Variants in PRKCH observed in about 807,000 individuals in gnomAD.
PRKCH encodes protein kinase C eta.
Under a neutral mutation model 82.5 loss-of-function variants are expected in PRKCH, and 28 were observed. The ratio of observed to expected loss-of-function variants is 0.34; its 90% CI spans 0.25 to 0.47. The LOEUF is 0.47. Ranked by LOEUF, PRKCH falls within the 20% of genes least tolerant of loss-of-function variation. The pLI is 1.00. For synonymous variants in PRKCH, 322 were observed against 327.4 expected (o/e 0.98, Z 0.18); for missense variants, 705 against 881.8 (o/e 0.80, Z 2.54).
chr14:61,494,220 G>GT (rs1886569981), intron 10 of PRKCH, among the ~76,000 whole-genome samples: 1 of 152,156 alleles, frequency 6.6e-6, no homozygotes, highest in South Asian at 2.1e-4. Flanking sequence ...CCCAATAGGA[G>GT]TCTCTTAAAT....
At chr14:61,246,207 A>G (rs1481652520) in intron 1 of PRKCH, among the ~76,000 whole-genome samples, 2 of 150,790 alleles carry the variant, frequency 1.3e-5, no homozygotes, top group Non-Finnish European at 2.9e-5. Flanking sequence ...GGAGTTCAAC[A>G]CCAGCCTGAC....
At chr14:61,252,579 T>G (rs141362473) in intron 1 of PRKCH, among the ~76,000 whole-genome samples, 43 of 152,208 alleles carry the variant, frequency 2.8e-4, no homozygotes, top group African/African-American at 9.6e-4. Flanking sequence ...CCTGGACAAA[T>G]GGAAACAGAG....
intron 1 of PRKCH, among the ~76,000 whole-genome samples, chr14:61,216,487 TA>T (rs895976188): frequency 1.3e-5 from 2 of 151,102 alleles, no homozygotes; most frequent in African/African-American, 2.4e-5. Flanking sequence ...AAACAAAAAT[TA>T]AAAAAAATTA....
intron 2 of PRKCH, among the ~76,000 whole-genome samples, chr14:61,393,862 C>G (rs1200287983): frequency 2.0e-5 from 3 of 152,240 alleles, no homozygotes; most frequent in Admixed American, 2.0e-4. Flanking sequence ...AAATGTGGGT[C>G]TCACCTAATG....
intron 1 of PRKCH, among the ~76,000 whole-genome samples, chr14:61,251,628 A>T (rs1240624308): frequency 6.6e-6 from 1 of 152,138 alleles, no homozygotes; most frequent in Non-Finnish European, 1.5e-5. Context: ...GTTGCTTCCA[A>T]ATCTTGGCTA....
chr14:61,225,802 A>G (rs1053840819), intron 1 of PRKCH, among the ~76,000 whole-genome samples: 10 of 151,944 alleles, frequency 6.6e-5, no homozygotes, highest in Non-Finnish European at 1.2e-4. Context: ...GCAGTGGCAC[A>G]ATCTTGGCTC....
intron 1 of PRKCH, among the ~76,000 whole-genome samples, chr14:61,249,094 G>C (rs1265318091): frequency 6.6e-6 from 1 of 152,272 alleles, no homozygotes; most frequent in South Asian, 2.1e-4. Context: ...GAGCCACTGT[G>C]CCTGGCCTCG....
chr14:61,330,853 A>G (rs891363323), intron 1 of PRKCH, among the ~76,000 whole-genome samples: 2 of 152,206 alleles, frequency 1.3e-5, no homozygotes, highest in Admixed American at 1.3e-4. Context: ...CTGTTGCCCT[A>G]ACAGGGGTGT....
At chr14:61,242,624 C>T (rs972182425) in intron 1 of PRKCH, among the ~76,000 whole-genome samples, 2 of 152,130 alleles carry the variant, frequency 1.3e-5, no homozygotes, top group African/African-American at 4.8e-5. Flanking sequence ...TCTCAAACTC[C>T]TGACCTCAGG....
chr14:61,398,590 G>T (rs1239698407), intron 2 of PRKCH, among the ~76,000 whole-genome samples: 5 of 152,182 alleles, frequency 3.3e-5, no homozygotes, highest in Admixed American at 2.0e-4. Context: ...GTCTCCTGAT[G>T]GAAGCCCACA....
chr14:61,397,833 G>A (rs2046808926), intron 2 of PRKCH, among the ~76,000 whole-genome samples: 1 of 152,202 alleles, frequency 6.6e-6, no homozygotes, highest in Non-Finnish European at 1.5e-5. Flanking sequence ...CTGTGTGAAG[G>A]TTTATGCCTA....
chr14:61,349,094 A>T (rs1250126244), intron 1 of PRKCH, among the ~76,000 whole-genome samples: 1 of 152,202 alleles, frequency 6.6e-6, no homozygotes, highest in Non-Finnish European at 1.5e-5. Context: ...CTCTAAGTAG[A>T]TGTTTATTTG....
chr14:61,444,834 A>G (rs530421508), intron 3 of PRKCH, among the ~76,000 whole-genome samples: 4 of 152,294 alleles, frequency 2.6e-5, no homozygotes, highest in African/African-American at 9.6e-5. Context: ...GCCAGGCACT[A>G]TTGTGAGCAT....
intron 1 of PRKCH, among the ~76,000 whole-genome samples, chr14:61,347,102 G>A (rs143266376): frequency 2.5e-3 from 387 of 152,300 alleles, no homozygotes; most frequent in Non-Finnish European, 3.8e-3. Context: ...GTGGGGACTG[G>A]TGGGGAAAGA....
chr14:61,500,870 A>G (rs1000814826), intron 10 of PRKCH, among the ~76,000 whole-genome samples: 4 of 152,156 alleles, frequency 2.6e-5, no homozygotes, highest in African/African-American at 4.8e-5. Flanking sequence ...AGAGGTACCT[A>G]TGGAACTCCT....
intron 2 of PRKCH, among the ~76,000 whole-genome samples, chr14:61,404,257 A>T (rs909108962): frequency 6.6e-6 from 1 of 152,024 alleles, no homozygotes; most frequent in Admixed American, 6.5e-5. Context: ...GTGGGCATGG[A>T]CAACAGTGGC....
At chr14:61,260,662 T>C (rs1354812307) in intron 1 of PRKCH, among the ~76,000 whole-genome samples, 1 of 152,180 alleles carries the variant, frequency 6.6e-6, no homozygotes, top group African/African-American at 2.4e-5. Flanking sequence ...ATTTTTTTTC[T>C]TAAAAAAATG....
chr14:61,239,886 A>T (rs1444719988), intron 1 of PRKCH, among the ~76,000 whole-genome samples: 1 of 152,184 alleles, frequency 6.6e-6, no homozygotes, highest in African/African-American at 2.4e-5. Context: ...TCAAGATCTG[A>T]CCCAGCACTG....
At chr14:61,455,588 A>C (rs1016692856) in intron 7 of PRKCH, among the ~76,000 whole-genome samples, 6 of 152,242 alleles carry the variant, frequency 3.9e-5, no homozygotes, top group African/African-American at 1.4e-4. Context: ...TTATCCCTGA[A>C]GAGCAGAGAT....
Sources: gnomAD v4.1 joint callset for allele counts (sites outside exome capture counted in the v4.1 genomes callset) on GRCh38, gnomAD v4.1.1 for gene constraint, MANE v1.5 for transcripts, NCBI Gene and HGNC (gene_info 2026-07-23, HGNC 2026-07-21) for gene names.